Variants in RP1L1 observed in about 807,000 individuals in gnomAD.
RP1L1 encodes the protein retinitis pigmentosa 1-like 1 protein.
Under a neutral mutation model 15.7 loss-of-function variants are expected in RP1L1, and 27 were observed. That is an observed-to-expected ratio of 1.72 (90% CI 1.27 to 2.38). The LOEUF (loss-of-function observed/expected upper bound fraction) is 2.38, where lower values mean the gene tolerates loss of function less well. Among genes scored for constraint, RP1L1 ranks in the 30% most tolerant of loss-of-function variants. The pLI is 0.00. For missense variants in RP1L1, 4,798 were observed against 3,075.9 expected, an observed-to-expected ratio of 1.56 and a Z score of -13.24; for synonymous variants, 1,813 against 1,276.7, an observed-to-expected ratio of 1.42 and a Z score of -8.96.
Position 10,613,158 on chromosome 8 carries a change from G to T in RP1L1, c.940C>A (p.Arg314Ser), listed in dbSNP as rs777582995. 3 of 1,613,846 alleles carry T rather than the reference G, an allele frequency of 1.9e-6. No individual in the cohort carries two copies. In the East Asian group the frequency reaches 6.7e-5, roughly 36 times the overall value. Residue 314 changes from arginine to serine, a missense_variant, in exon 4 of 4, where the codon CGC (arginine) becomes AGC (serine). Transcript: ENST00000382483. Reference sequence around the variant, plus strand: ...GACAGGCTGCCGTCCTCATTCATGCGGACCTTCTTCTTCATGTCATCGCCA... The same window carrying T: ...GACAGGCTGCCGTCCTCATTCATGCTGACCTTCTTCTTCATGTCATCGCCA... ...VAGDDMKKKV[R>S]MNEDGSLSVE...
rs1305291215 is a variant in RP1L1 at position 10,611,153 on chromosome 8, G to A, written c.2945C>T (p.Ala982Val). The A allele has an allele frequency of 1.9e-6, 3 of 1,612,830 alleles. No homozygotes were observed. Among genetic ancestry groups the A allele is most frequent in the South Asian group, 2.2e-5 (2 of 91,090 alleles). The change falls in exon 4 of 4, where the codon GCA (alanine) becomes GTA (valine). Residue 982 changes from alanine (A) to valine (V), a missense_variant. Ala to Val is a moderately conservative substitution (Grantham distance 64). Coordinates refer to ENST00000382483, the MANE Select transcript of RP1L1 (RefSeq NM_178857.6). Reference sequence around the variant, plus strand: ...GGGGCCTCTCAGGCCACCCCCAGCTGCACCTGTGGTCTCGTCCGCCAACTC... The same window carrying A: ...GGGGCCTCTCAGGCCACCCCCAGCTACACCTGTGGTCTCGTCCGCCAACTC... ...TYELADETTG[A>V]AGGGLRGPEV...
At position 10,636,066 on chromosome 8, in the gene RP1L1, A is replaced by G. The variant is rs145375129; in HGVS notation, c.-19-12846T>C. On this transcript the variant is annotated intron_variant, in intron 1 of 3. Transcript: ENST00000382483. ...GACCACCTGCCTTCTGCAACATGCTAAAATGCTGTTTTGGTGTGGATGAGT... is the reference window on the plus strand; with the variant it reads ...GACCACCTGCCTTCTGCAACATGCTGAAATGCTGTTTTGGTGTGGATGAGT... 5.3e-5 allele frequency among the ~76,000 whole-genome samples: 8 copies of G among 152,336 alleles called. No individual in the cohort carries two copies. In the East Asian group the frequency reaches 1.5e-3, roughly 29 times the overall value.
Position 10,609,822 on chromosome 8 carries a change from G to C in RP1L1, c.4276C>G (p.Pro1426Ala). 2 of 1,614,096 alleles carry C rather than the reference G, an allele frequency of 1.2e-6. No homozygotes were observed. Among genetic ancestry groups the C allele is most frequent in the Non-Finnish European group, 1.7e-6 (2 of 1,180,018 alleles). ...CTTCCTGCTTCCTCCTCCTGGACTG[G>C]GTCATCTTCCTGGGAGCCTTTCCCA... ...PDGKGSQEDD[P>A]VQEEEAGRAS... The change falls in exon 4 of 4, where the codon CCA (proline) becomes GCA (alanine). Residue 1426 changes from proline (P) to alanine (A), a missense_variant. Coordinates refer to ENST00000382483, the MANE Select transcript of RP1L1 (RefSeq NM_178857.6).
At chr8:10,614,143 C>A (rs1227326535) in intron 3 of RP1L1, among the ~76,000 whole-genome samples, 2 of 152,144 alleles carry the variant, frequency 1.3e-5, no homozygotes, top group Non-Finnish European at 2.9e-5. Flanking sequence ...CCCAGCACAG[C>A]AGGTGAAATC....
At position 10,611,820 on chromosome 8, in the gene RP1L1, C is replaced by T; in HGVS notation, c.2278G>A (p.Ala760Thr). The change falls in exon 4 of 4, where the codon GCC becomes ACC. Residue 760 changes from alanine to threonine, a missense_variant. Transcript: ENST00000382483. ...GACCCCGCGTCCCCTGCCCACCCGGCAGAGGGAGCGTTGTGCGGGGAGACT... is the reference window on the plus strand; with the variant it reads ...GACCCCGCGTCCCCTGCCCACCCGGTAGAGGGAGCGTTGTGCGGGGAGACT... ...SGVSPHNAPS[A>T]GWAGDAGSRT... 6.2e-7 allele frequency: 1 copy of T among 1,613,654 alleles called. No homozygotes were observed.
intron 1 of RP1L1, among the ~76,000 whole-genome samples, chr8:10,631,252 TGCACACACACGCACACAAACAC>T (rs1798238028): frequency 7.3e-6 from 1 of 137,288 alleles, no homozygotes; most frequent in Admixed American, 7.2e-5. Context: ...CATGCACACA[TGCACACACACGCACACAAACAC>T]GCATGCACAC....
rs539185550 is a variant in RP1L1, at chr8:10,608,645, G to A, written c.5453C>T (p.Ala1818Val). 6.2e-7 allele frequency: 1 copy of A among 1,613,998 alleles called. No individual in the cohort carries two copies. Among genetic ancestry groups the A allele is most frequent in the Non-Finnish European group, 8.5e-7 (1 of 1,180,020 alleles). Residue 1818 changes from alanine (A) to valine (V), a missense_variant, in exon 4 of 4, where the codon GCT (alanine) becomes GTT (valine). By Grantham distance (64) the Ala-to-Val change is moderately conservative (BLOSUM62 0). Coordinates refer to ENST00000382483, the MANE Select transcript of RP1L1 (RefSeq NM_178857.6). ...TGGATCTTGGTCACCTCCTGCCGCA[G>A]CTTCACCCTGCAAGTTGTCCTCATG... ...SGHEDNLQGE[A>V]AAGGDQDPGQ...
chr8:10,623,081 G>T lies in RP1L1; in HGVS notation c.121C>A (p.Arg41=). The T allele has an allele frequency of 6.2e-7, 1 of 1,614,014 alleles. No homozygotes were observed. The highest frequency in any genetic ancestry group is 8.5e-7 in the Non-Finnish European group (1 of 1,179,998). Residue 41 remains arginine, a synonymous_variant, in exon 2 of 4, where the codon CGA becomes AGA. Transcript: ENST00000382483. ...TPAKKITFLK[R]GDPRFAGVRL... ...ACCCCAGCAAACCGTGGATCCCCTC[G>T]CTTGAGGAAGGTGATCTTCTTGGCT...
rs748219995 is a variant in RP1L1, at chr8:10,612,659, A to G, written c.1439T>C (p.Val480Ala). ...CTGGGCAGAGGGGCTGGCACTGTCC[A>G]CCCCGTCCTCCGGGGTCCTGGGGCA... Reference protein sequence around the residue: ...SCCPRTPEDGVDSASPSAQIG... With the variant: ...SCCPRTPEDGADSASPSAQIG... The change falls in exon 4 of 4, where the codon GTG becomes GCG. Residue 480 changes from valine (V) to alanine (A), a missense_variant. Physicochemically the swap from Val to Ala is moderately conservative, Grantham distance 64. Coordinates refer to ENST00000382483, the MANE Select transcript of RP1L1 (RefSeq NM_178857.6). 3 of 1,598,734 alleles carry G rather than the reference A, an allele frequency of 1.9e-6. No individual in the cohort carries two copies. The South Asian group carries it at 3.3e-5, about 18-fold the overall frequency.
chr8:10,633,474 C>T lies in RP1L1; in HGVS notation c.-19-10254G>A, dbSNP rs181717339. Among the ~76,000 whole-genome samples, 81 of 152,324 alleles carry T rather than the reference C, an allele frequency of 5.3e-4. 1 individual carries two copies. The East Asian group carries it at 5.6e-3, about 11-fold the overall frequency. On this transcript the variant is annotated intron_variant, in intron 1 of 3. Transcript: ENST00000382483. The stretch of plus-strand genomic sequence containing the variant: ...ATCAGCTTCCAGCCAAACAAAACCC[C>T]GGGCAAGGACACCACTCCCATCCGT...
chr8:10,647,139 G>C (rs919994415), intron 1 of RP1L1, among the ~76,000 whole-genome samples: 2 of 152,208 alleles, frequency 1.3e-5, no homozygotes, highest in African/African-American at 4.8e-5. Flanking sequence ...TTTCCACTGA[G>C]GCGCCACGGC....
intron 2 of RP1L1, among the ~76,000 whole-genome samples, chr8:10,617,298 T>C (rs933277336): frequency 4.0e-5 from 6 of 151,220 alleles, no homozygotes; most frequent in African/African-American, 7.3e-5. Context: ...TGGGATTACA[T>C]TGTAATGAGC....
intron 1 of RP1L1, among the ~76,000 whole-genome samples, chr8:10,635,685 T>C (rs1798318594): frequency 6.6e-6 from 1 of 152,244 alleles, no homozygotes; most frequent in Non-Finnish European, 1.5e-5. Flanking sequence ...CACAGAGCTA[T>C]TGATGGCCAA....
Position 10,611,535 on chromosome 8 carries a change from T to G in RP1L1, c.2563A>C (p.Thr855Pro), listed in dbSNP as rs772396356. The G allele has an allele frequency of 1.3e-6, 2 of 1,588,334 alleles. No homozygotes were observed. Among genetic ancestry groups the G allele is most frequent in the African/African-American group, 1.3e-5 (1 of 74,526 alleles). The change falls in exon 4 of 4, where the codon ACC (threonine) becomes CCC (proline). Residue 855 changes from threonine (T) to proline (P), a missense_variant. Coordinates refer to ENST00000382483, the MANE Select transcript of RP1L1 (RefSeq NM_178857.6). ...GGGCAGGGCCGCCCCCTGGGCGGGG[T>G]GGGACAGTACCTGCCACACAGCCAG... Reference protein sequence around the residue: ...ASWLCGRYCPTPPRGRPCPQR... With the variant: ...ASWLCGRYCPPPPRGRPCPQR...
At chr8:10,638,961 A>C (rs533464262) in intron 1 of RP1L1, among the ~76,000 whole-genome samples, 51 of 152,248 alleles carry the variant, frequency 3.3e-4, no homozygotes, top group African/African-American at 1.2e-3. Flanking sequence ...CCTGGCCAAC[A>C]CAGTGAAACC....
At position 10,611,981 on chromosome 8, in the gene RP1L1, C is replaced by G; in HGVS notation, c.2117G>C (p.Gly706Ala). 6.2e-7 allele frequency: 1 copy of G among 1,613,868 alleles called. No homozygotes were observed. Among genetic ancestry groups the G allele is most frequent in the Non-Finnish European group, 8.5e-7 (1 of 1,180,036 alleles). Reference sequence around the variant, plus strand: ...CTGTGTCCTGGTGCTCGATGAGCTTCCAGAATATCGTGGCACTGAGCCATC... The same window carrying G: ...CTGTGTCCTGGTGCTCGATGAGCTTGCAGAATATCGTGGCACTGAGCCATC... Reference protein sequence around the residue: ...CQDGSVPRYSGSSSSTRTQAS... With the variant: ...CQDGSVPRYSASSSSTRTQAS... Residue 706 changes from glycine to alanine, a missense_variant, in exon 4 of 4, where the codon GGA (glycine) becomes GCA (alanine). By Grantham distance (60) the Gly-to-Ala change is moderately conservative (BLOSUM62 0). Transcript: ENST00000382483.
At position 10,611,830 on chromosome 8, in the gene RP1L1, G is replaced by A. The variant is rs57819090; in HGVS notation, c.2268C>T (p.Asn756=). ...SDFVSGVSPH[N]APSAGWAGDA... is the part of the protein sequence containing the mutation. ...CCCCTGCCCACCCGGCAGAGGGAGCGTTGTGCGGGGAGACTCCAGAAACAA... is the reference window on the plus strand; with the variant it reads ...CCCCTGCCCACCCGGCAGAGGGAGCATTGTGCGGGGAGACTCCAGAAACAA... Residue 756 remains asparagine (N), a synonymous_variant, in exon 4 of 4, where the codon AAC becomes AAT. Coordinates refer to ENST00000382483, the MANE Select transcript of RP1L1 (RefSeq NM_178857.6). 233,737 of 1,613,610 alleles carry A rather than the reference G, an allele frequency of 0.14. 19,534 individuals carry two copies. Among genetic ancestry groups the A allele is most frequent in the South Asian group, 0.33 (30,325 of 91,082 alleles).
chr8:10,618,673 C>A (rs374787858), intron 2 of RP1L1, among the ~76,000 whole-genome samples: 6 of 152,122 alleles, frequency 3.9e-5, no homozygotes, highest in Non-Finnish European at 7.3e-5. Context: ...AACTGGGCAA[C>A]AGAACCAGAC....
At position 10,606,738 on chromosome 8, in the gene RP1L1, G is replaced by A; in HGVS notation, c.*157C>T. The A allele has an allele frequency of 7.9e-7, 1 of 1,267,956 alleles. No individual in the cohort carries two copies. Among genetic ancestry groups the A allele is most frequent in the Non-Finnish European group, 1.1e-6 (1 of 928,184 alleles). The allele number at this position is 1,267,956 out of a possible 1,614,324, so 78.5% of individuals were successfully genotyped here. On this transcript the variant is annotated 3_prime_UTR_variant, in exon 4 of 4. Coordinates refer to ENST00000382483, the MANE Select transcript of RP1L1 (RefSeq NM_178857.6). ...GACACTTCTGGACTTAAGAGTCCCA[G>A]GACAGCATGGCATGGGCTGTGTCCT...
Sources: gnomAD v4.1 joint callset for allele counts (sites outside exome capture counted in the v4.1 genomes callset) on GRCh38, gnomAD v4.1.1 for gene constraint, MANE v1.5 for transcripts, NCBI Gene and HGNC (gene_info 2026-07-23, HGNC 2026-07-21) for gene names.